The following DAB1 variants were observed in gnomAD, a reference collection of about 807,000 sequenced individuals.
The protein encoded by DAB1 is disabled homolog 1.
In DAB1, 15 loss-of-function variants were observed where a neutral mutation model predicts 64.6. The ratio of observed to expected loss-of-function variants is 0.23; its 90% confidence interval spans 0.16 to 0.36. DAB1 has a LOEUF of 0.36. Among genes scored for constraint, DAB1 ranks in the 10% least tolerant of loss-of-function variants. The probability of loss-of-function intolerance (pLI) is 1.00; values close to 1 mark genes in which losing one functional copy is unlikely to be tolerated. For synonymous variants in DAB1, 235 were observed against 251.9 expected (o/e 0.93, Z 0.64); for missense variants, 596 against 706.7 (o/e 0.84, Z 1.78).
intron 1 of DAB1, among the ~76,000 whole-genome samples, chr1:57,356,394 T>C (rs1460159779): frequency 1.3e-5 from 2 of 152,110 alleles, no homozygotes; most frequent in African/African-American, 4.8e-5. Context: ...GAACTTAGAA[T>C]AGCAACTGAC....
intron 5 of DAB1, among the ~76,000 whole-genome samples, chr1:58,037,697 G>T (rs1305257809): frequency 6.7e-6 from 1 of 150,240 alleles, no homozygotes; most frequent in Non-Finnish European, 1.5e-5. Context: ...TGCCAAAAAA[G>T]GCTGGGGACT....
chr1:57,765,929 C>T (rs187857736), intron 6 of DAB1, among the ~76,000 whole-genome samples: 3 of 152,262 alleles, frequency 2.0e-5, no homozygotes, highest in Admixed American at 2.0e-4. Context: ...CTATGCCCGG[C>T]CAGTACTCCT....
intron 5 of DAB1, among the ~76,000 whole-genome samples, chr1:58,093,707 AAAAAG>A (rs1227845079): frequency 2.9e-4 from 44 of 152,188 alleles, no homozygotes; most frequent in African/African-American, 1.0e-3. Context: ...GAAAAAAAAA[AAAAAG>A]AAAACTGGAG....
intron 2 of DAB1, among the ~76,000 whole-genome samples, chr1:57,193,574 G>A (rs934547596): frequency 2.0e-5 from 3 of 151,890 alleles, no homozygotes; most frequent in Admixed American, 2.0e-4. Flanking sequence ...TTTTAGTAGA[G>A]ACGGGGTTTC....
intron 4 of DAB1, among the ~76,000 whole-genome samples, chr1:58,275,615 T>C (rs1189868611): frequency 1.3e-5 from 2 of 152,196 alleles, no homozygotes; most frequent in African/African-American, 4.8e-5. Flanking sequence ...CACAGTGAGA[T>C]AGCAACTTAT....
At chr1:57,567,643 A>C (rs1482468112) in intron 7 of DAB1, among the ~76,000 whole-genome samples, 1 of 152,228 alleles carries the variant, frequency 6.6e-6, no homozygotes, top group Non-Finnish European at 1.5e-5. Context: ...ACAGACAAAC[A>C]GAGAGCCAAA....
chr1:58,048,789 A>T, intron 5 of DAB1: 1 of 1,149,764 alleles, frequency 8.7e-7, no homozygotes, highest in South Asian at 1.2e-5. Context: ...CATTCACAGT[A>T]TAGTATTTCT....
chr1:57,006,104 G>C (rs1326999399), intron 14 of DAB1, among the ~76,000 whole-genome samples: 1 of 152,154 alleles, frequency 6.6e-6, no homozygotes, highest in Non-Finnish European at 1.5e-5. Context: ...AGCTGTAATA[G>C]AGACAGTATG....
intron 3 of DAB1, among the ~76,000 whole-genome samples, chr1:58,401,348 G>A (rs1361952637): frequency 6.6e-6 from 1 of 152,160 alleles, no homozygotes; most frequent in Non-Finnish European, 1.5e-5. Flanking sequence ...GTTGAGGGCA[G>A]GCTCCCATAA....
intron 1 of DAB1, among the ~76,000 whole-genome samples, chr1:57,365,537 C>T (rs1285562292): frequency 1.3e-5 from 2 of 151,448 alleles, no homozygotes; most frequent in Non-Finnish European, 2.9e-5. Context: ...TGCTATATTC[C>T]AACCAAATAC....
intron 4 of DAB1, among the ~76,000 whole-genome samples, chr1:58,164,855 A>G (rs887727870): frequency 5.3e-5 from 8 of 152,228 alleles, no homozygotes. Context: ...CTTAACATAT[A>G]TAATGAATAC....
intron 1 of DAB1, among the ~76,000 whole-genome samples, chr1:57,826,829 G>T (rs1290470959): frequency 1.3e-5 from 2 of 152,210 alleles, no homozygotes; most frequent in African/African-American, 4.8e-5. Context: ...CACTTGCCAT[G>T]TGCTCCTCTC....
intron 5 of DAB1, among the ~76,000 whole-genome samples, chr1:58,085,643 C>A (rs1317216791): frequency 6.6e-6 from 1 of 152,074 alleles, no homozygotes; most frequent in Non-Finnish European, 1.5e-5. Flanking sequence ...GTTAGGGTTA[C>A]AGGTGTGAGC....
At position 57,108,225 on chromosome 1, in the gene DAB1, C is replaced by T. The variant is rs1201911021; in HGVS notation, c.306+28318G>A. 2.6e-5 allele frequency among the ~76,000 whole-genome samples: 4 copies of T among 152,198 alleles called. No individual in the cohort carries two copies. In the East Asian group the frequency reaches 5.8e-4, roughly 22 times the overall value. ...TTAGCAGCCTCAGAGCAAATTGCTC[C>T]AAGGACTCACTGAGAGACATATTTG... On this transcript the variant is annotated intron_variant, in intron 4 of 14. Coordinates refer to ENST00000371236, the MANE Select transcript of DAB1 (RefSeq NM_001365792.1).
At chr1:58,281,116 C>A (rs890959485) in intron 4 of DAB1, among the ~76,000 whole-genome samples, 4 of 152,058 alleles carry the variant, frequency 2.6e-5, no homozygotes, top group African/African-American at 9.7e-5. Flanking sequence ...TTATCAAGCA[C>A]GAAGGACAGT....
At chr1:57,686,475 A>G (rs1039033642) in intron 6 of DAB1, among the ~76,000 whole-genome samples, 2 of 152,206 alleles carry the variant, frequency 1.3e-5, no homozygotes, top group African/African-American at 4.8e-5. Context: ...CAAGATGTAC[A>G]AAGAACAACC....
chr1:57,781,713 GAAAA>G lies in DAB1; in HGVS notation n.551+102282_551+102285del, dbSNP rs3081035. On this transcript the variant is annotated intron_variant and non_coding_transcript_variant, in intron 6 of 20. Coordinates refer to the DAB1 transcript ENST00000485760. ...CTTTGCATCTGGTTAAAGCAATTGA[GAAAA>G]AAAAAAAAAAAAAGCAAAACTGTTG... Among the ~76,000 whole-genome samples, 31 of 135,652 alleles carry G rather than the reference GAAAA, an allele frequency of 2.3e-4. No individual in the cohort carries two copies. The East Asian group carries it at 2.7e-3, about 12-fold the overall frequency. 89.0% of individuals were successfully genotyped at this position (135,652 alleles called of 152,430 possible).
chr1:58,211,414 A>G (rs1430730047), intron 4 of DAB1, among the ~76,000 whole-genome samples: 2 of 152,186 alleles, frequency 1.3e-5, no homozygotes, highest in Non-Finnish European at 2.9e-5. Flanking sequence ...ATTCTAAGAA[A>G]ATAACTTTTT....
chr1:57,637,384 G>T (rs1160257954), intron 7 of DAB1, among the ~76,000 whole-genome samples: 1 of 152,214 alleles, frequency 6.6e-6, no homozygotes, highest in East Asian at 1.9e-4. Flanking sequence ...CCAGGGGAAA[G>T]ATGCCTAATC....
Sources: allele counts gnomAD v4.1 joint callset (sites outside exome capture counted in the v4.1 genomes callset), GRCh38; gene constraint gnomAD v4.1.1; transcripts MANE v1.5; gene names NCBI Gene and HGNC (gene_info 2026-07-23, HGNC 2026-07-21).